The following DNAJC24 variants were observed in gnomAD, a reference collection of about 807,000 sequenced individuals.
DNAJC24 encodes the protein dnaJ homolog subfamily C member 24.
Under a neutral mutation model 18.0 loss-of-function variants are expected in DNAJC24, and 17 were observed. That is an observed-to-expected ratio of 0.94 (90% CI 0.65 to 1.42). DNAJC24 has a LOEUF of 1.42. Among genes scored for constraint, DNAJC24 ranks in the 40% most tolerant of loss-of-function variants. The pLI, the probability that DNAJC24 is intolerant of heterozygous loss-of-function variation, is 0.00. For synonymous variants in DNAJC24, 55 were observed against 57.7 expected (o/e 0.95, Z 0.21); for missense variants, 158 against 175.6 (o/e 0.90, Z 0.57).
At chr11:31,413,479 C>A (rs557720121) in intron 2 of DNAJC24, among the ~76,000 whole-genome samples, 1 of 151,788 alleles carries the variant, frequency 6.6e-6, no homozygotes, top group East Asian at 1.9e-4. Context: ...TACAGGCGCC[C>A]ACCACCACAC....
At chr11:31,411,365 G>C (rs1370949029) in intron 2 of DNAJC24, among the ~76,000 whole-genome samples, 1 of 152,082 alleles carries the variant, frequency 6.6e-6, no homozygotes, top group Non-Finnish European at 1.5e-5. Flanking sequence ...AATATATTTG[G>C]ACTGGGTTTT....
At chr11:31,414,790 A>G in intron 2 of DNAJC24, 21 bp from the exon 3 acceptor site, 1 of 1,610,470 alleles carries the variant, frequency 6.2e-7, no homozygotes, top group Non-Finnish European at 8.5e-7. Context: ...CACCCCCTGC[A>G]CCCTTCTTTT....
chr11:31,407,706 A>AATAT (rs869293205), intron 2 of DNAJC24, among the ~76,000 whole-genome samples: 1,006 of 61,616 alleles, frequency 0.016, 21 homozygotes, highest in African/African-American at 0.053. Flanking sequence ...AAAAAAAAAA[A>AATAT]ATATATATAT....
chr11:31,379,737 A>G (rs1047351621), intron 2 of DNAJC24, among the ~76,000 whole-genome samples: 14 of 152,242 alleles, frequency 9.2e-5, no homozygotes, highest in African/African-American at 2.9e-4. Flanking sequence ...GTTTCCTTTT[A>G]CAGACAGTGA....
intron 2 of DNAJC24, among the ~76,000 whole-genome samples, chr11:31,390,389 C>CT (rs1952479798): frequency 1.0e-5 from 1 of 96,302 alleles, no homozygotes; most frequent in Non-Finnish European, 1.9e-5. Context: ...GAGCAAGACT[C>CT]TATCTCAAAA....
intron 2 of DNAJC24, among the ~76,000 whole-genome samples, chr11:31,379,176 C>T (rs1304336154): frequency 6.6e-6 from 1 of 152,108 alleles, no homozygotes; most frequent in African/African-American, 2.4e-5. Context: ...GGTCCATGGC[C>T]AGTTAGGAAC....
At chr11:31,426,476 A>C (rs1215624611) in intron 4 of DNAJC24, 121 bp downstream of exon 4, 2 of 580,714 alleles carry the variant, frequency 3.4e-6, no homozygotes, top group Non-Finnish European at 5.8e-6. Context: ...TTCTATATAT[A>C]TGTGGTAAGT....
intron 2 of DNAJC24, among the ~76,000 whole-genome samples, chr11:31,394,512 C>T (rs1396985156): frequency 1.3e-5 from 2 of 151,476 alleles, no homozygotes; most frequent in African/African-American, 4.9e-5. Flanking sequence ...CCTCCTCTTC[C>T]ACCACACTGT....
At chr11:31,419,736 C>T (rs1952785742) in intron 3 of DNAJC24, among the ~76,000 whole-genome samples, 2 of 151,984 alleles carry the variant, frequency 1.3e-5, no homozygotes, top group South Asian at 4.1e-4. Context: ...TCAAGACTGA[C>T]CGAGTCAGCT....
At position 31,414,855 on chromosome 11, in the gene DNAJC24, G is replaced by A; in HGVS notation, c.156G>A (p.Val52=). ...GTACAGATGTACCAGCAGGAACAGT[G>A]GAGGAATGTGTACAGAAGTTCATCG... is the stretch of plus-strand genomic sequence containing the variant. ...KQSTDVPAGT[V]EECVQKFIEI... is the part of the protein sequence containing the mutation. The change falls in exon 3 of 5, where the codon GTG becomes GTA. Residue 52 remains valine, a synonymous_variant. Coordinates refer to ENST00000465995, the MANE Select transcript of DNAJC24 (RefSeq NM_181706.5). The A allele has an allele frequency of 1.2e-6, 2 of 1,613,988 alleles. No individual in the cohort carries two copies.
intron 3 of DNAJC24, among the ~76,000 whole-genome samples, chr11:31,426,059 G>A (rs779366117): frequency 2.6e-5 from 4 of 152,044 alleles, no homozygotes; most frequent in Non-Finnish European, 4.4e-5. Flanking sequence ...TGTGAAAAAC[G>A]GGATTGATTT....
intron 2 of DNAJC24, chr11:31,407,320 A>T (rs2133491414): frequency 6.6e-6 from 1 of 152,314 alleles, no homozygotes; most frequent in East Asian, 1.9e-4. Flanking sequence ...GTAGTTAAGG[A>T]TTAATATATG....
At chr11:31,409,734 G>T (rs553133120) in intron 2 of DNAJC24, among the ~76,000 whole-genome samples, 43 of 152,034 alleles carry the variant, frequency 2.8e-4, no homozygotes, top group African/African-American at 9.2e-4. Flanking sequence ...ATCTTTTCGT[G>T]GATGTGTGAT....
chr11:31,378,773 G>A (rs1378267676), intron 2 of DNAJC24, among the ~76,000 whole-genome samples: 1 of 152,120 alleles, frequency 6.6e-6, no homozygotes, highest in Non-Finnish European at 1.5e-5. Flanking sequence ...GAGCTCTAGA[G>A]GGAGGGAAGG....
At chr11:31,371,561 G>C (rs909879702) in intron 2 of DNAJC24, among the ~76,000 whole-genome samples, 3 of 151,584 alleles carry the variant, frequency 2.0e-5, no homozygotes, top group African/African-American at 7.3e-5. Context: ...TAAACTCCCT[G>C]TCTGATAATT....
intron 2 of DNAJC24, among the ~76,000 whole-genome samples, chr11:31,412,525 C>T (rs1250052633): frequency 6.6e-6 from 1 of 152,134 alleles, no homozygotes; most frequent in Non-Finnish European, 1.5e-5. Flanking sequence ...AACTTTAATG[C>T]AGCCAACTCC....
chr11:31,394,574 A>G (rs1952527607), intron 2 of DNAJC24, among the ~76,000 whole-genome samples: 1 of 152,018 alleles, frequency 6.6e-6, no homozygotes, highest in Admixed American at 6.6e-5. Context: ...AACCCAAAAT[A>G]CCATTGCACT....
intron 2 of DNAJC24, among the ~76,000 whole-genome samples, chr11:31,414,487 G>A (rs1292780230): frequency 1.3e-5 from 2 of 152,126 alleles, no homozygotes; most frequent in African/African-American, 2.4e-5. Flanking sequence ...CTGCTTGTCT[G>A]CACGTACCTA....
chr11:31,382,954 T>C (rs1952391538), intron 2 of DNAJC24, among the ~76,000 whole-genome samples: 1 of 152,188 alleles, frequency 6.6e-6, no homozygotes, highest in Admixed American at 6.5e-5. Flanking sequence ...ATTGATTTGC[T>C]GAAGCAGCTT....
Sources: gnomAD v4.1 joint callset for allele counts (sites outside exome capture counted in the v4.1 genomes callset) on GRCh38, gnomAD v4.1.1 for gene constraint, MANE v1.5 for transcripts, NCBI Gene and HGNC (gene_info 2026-07-23, HGNC 2026-07-21) for gene names.